KCNIP4: variants seen among roughly 807,000 people sequenced by gnomAD.
KCNIP4 encodes the protein potassium voltage-gated channel interacting protein 4.
KCNIP4 carries 12 observed loss-of-function variants against 34.0 expected under a neutral mutation model. That is an observed-to-expected ratio of 0.35 (90% CI 0.23 to 0.57). The LOEUF (loss-of-function observed/expected upper bound fraction) is 0.57. KCNIP4 is among the 20% of genes least tolerant of loss of function. The pLI, the probability that KCNIP4 is intolerant of heterozygous loss-of-function variation, is 0.83. For synonymous variants in KCNIP4, 124 were observed against 102.2 expected, an observed-to-expected ratio of 1.21 and a Z score of -1.29; for missense variants, 238 against 311.7, an observed-to-expected ratio of 0.76 and a Z score of 1.78.
intron 1 of KCNIP4, among the ~76,000 whole-genome samples, chr4:21,491,363 T>A (rs1732381641): frequency 6.6e-6 from 1 of 151,960 alleles, no homozygotes. Context: ...GAGAACTGGG[T>A]CTCTGAAATG....
chr4:21,159,445 G>C (rs1456220276), intron 1 of KCNIP4, among the ~76,000 whole-genome samples: 1 of 19,850 alleles, frequency 5.0e-5, no homozygotes, highest in Non-Finnish European at 1.0e-4. Flanking sequence ...AGCTCCCAGC[G>C]TGAGCGACGC....
intron 1 of KCNIP4, among the ~76,000 whole-genome samples, chr4:21,179,138 C>A (rs1348626366): frequency 6.6e-6 from 1 of 152,164 alleles, no homozygotes; most frequent in Non-Finnish European, 1.5e-5. Flanking sequence ...TTTCTATTAT[C>A]TTTCCTTCTC....
intron 1 of KCNIP4, chr4:21,464,715 G>C (rs1347128244): frequency 6.6e-6 from 1 of 151,972 alleles, no homozygotes; most frequent in African/African-American, 2.4e-5. Flanking sequence ...GGTGTATACT[G>C]TTGTTCAAAG....
chr4:20,853,605 C>CCAAAAGCAAAAG (rs143110247), intron 2 of KCNIP4, among the ~76,000 whole-genome samples: 4 of 151,118 alleles, frequency 2.6e-5, no homozygotes, highest in Admixed American at 1.3e-4. Flanking sequence ...GACCAAGAAC[C>CCAAAAGCAAAAG]CAAAAGCAAA....
At chr4:20,959,405 G>A (rs1249842084) in intron 1 of KCNIP4, among the ~76,000 whole-genome samples, 3 of 152,200 alleles carry the variant, frequency 2.0e-5, no homozygotes, top group Admixed American at 2.0e-4. Context: ...TTGTACACAA[G>A]TTTAAGGCTT....
At chr4:21,058,834 T>C (rs1577613604) in intron 1 of KCNIP4, among the ~76,000 whole-genome samples, 1 of 152,080 alleles carries the variant, frequency 6.6e-6, no homozygotes, top group African/African-American at 2.4e-5. Flanking sequence ...CTGACTGTGG[T>C]AGGAACCCCT....
chr4:20,902,585 T>A (rs532410160), intron 1 of KCNIP4, among the ~76,000 whole-genome samples: 114 of 152,242 alleles, frequency 7.5e-4, no homozygotes, highest in African/African-American at 2.7e-3. Flanking sequence ...AATGGCATAA[T>A]CTTGGCTCAC....
intron 5 of KCNIP4, among the ~76,000 whole-genome samples, chr4:20,746,254 C>A (rs181445011): frequency 6.6e-6 from 1 of 152,216 alleles, no homozygotes; most frequent in African/African-American, 2.4e-5. Context: ...CCGTCATTCT[C>A]AGCAAACTAT....
intron 1 of KCNIP4, among the ~76,000 whole-genome samples, chr4:20,897,458 A>G (rs1478140937): frequency 4.0e-5 from 6 of 151,780 alleles, no homozygotes; most frequent in Admixed American, 1.3e-4. Context: ...TTCTCTTTCA[A>G]TTTTACCCCA....
chr4:21,435,592 G>A lies in KCNIP4; in HGVS notation c.61+512979C>T, dbSNP rs573897483. 1.2e-4 allele frequency among the ~76,000 whole-genome samples: 19 copies of A among 152,204 alleles called. No homozygotes were observed. In the East Asian group the frequency reaches 2.9e-3, roughly 23 times the overall value. On this transcript the variant is annotated intron_variant, in intron 1 of 8. Coordinates refer to ENST00000382152, the MANE Select transcript of KCNIP4 (RefSeq NM_025221.6). Reference sequence around the variant, plus strand: ...CTCTTATTTTTAATGGGCAGAACACGGATTCTTGGTGTCTGAATGAATAGA... The same window carrying A: ...CTCTTATTTTTAATGGGCAGAACACAGATTCTTGGTGTCTGAATGAATAGA...
rs373184019 is a variant in KCNIP4 at position 20,947,281 on chromosome 4, A to G, written c.62-64572T>C. On this transcript the variant is annotated intron_variant, in intron 1 of 8. Coordinates refer to ENST00000382152, the MANE Select transcript of KCNIP4 (RefSeq NM_025221.6). ...CCTCCCAGCTTCAAGTGATCCTCCCACCTCAGCCTTCTGAGTAGCTGGGAT... is the reference window on the plus strand; with the variant it reads ...CCTCCCAGCTTCAAGTGATCCTCCCGCCTCAGCCTTCTGAGTAGCTGGGAT... Among the ~76,000 whole-genome samples, 32 of 152,158 alleles carry G rather than the reference A, an allele frequency of 2.1e-4. No individual in the cohort carries two copies. The South Asian group carries it at 4.4e-3, about 21-fold the overall frequency.
intron 1 of KCNIP4, among the ~76,000 whole-genome samples, chr4:21,256,296 TGAAGA>T (rs1256892881): frequency 2.6e-5 from 4 of 151,006 alleles, no homozygotes; most frequent in South Asian, 4.2e-4. Flanking sequence ...TTCTGAACAG[TGAAGA>T]GAAAAGTGGC....
At chr4:21,144,453 A>G (rs1752204754) in intron 1 of KCNIP4, among the ~76,000 whole-genome samples, 1 of 152,240 alleles carries the variant, frequency 6.6e-6, no homozygotes, top group Non-Finnish European at 1.5e-5. Flanking sequence ...TAAATATTGT[A>G]CATAAGCTCA....
At chr4:21,097,244 A>G (rs1747543063) in intron 1 of KCNIP4, among the ~76,000 whole-genome samples, 1 of 152,206 alleles carries the variant, frequency 6.6e-6, no homozygotes, top group South Asian at 2.1e-4. Context: ...ATAGCCATAC[A>G]ACAGAACATT....
intron 1 of KCNIP4, among the ~76,000 whole-genome samples, chr4:21,750,036 G>C (rs991613354): frequency 2.0e-4 from 30 of 152,060 alleles, no homozygotes; most frequent in African/African-American, 7.0e-4. Context: ...CCATTTGTAA[G>C]TTTTATATCA....
rs984273818 is a variant in KCNIP4 at position 21,448,710 on chromosome 4, G to T, written c.61+499861C>A. Among the ~76,000 whole-genome samples the T allele has an allele frequency of 2.0e-5, 3 of 152,192 alleles. No individual in the cohort carries two copies. In the East Asian group the frequency reaches 5.8e-4, roughly 29 times the overall value. Reference sequence around the variant, plus strand: ...TGGACAGAAGGCCAAGGGTATGGAGGGACATCCTTTTTACTTCTGCTCAAG... The same window carrying T: ...TGGACAGAAGGCCAAGGGTATGGAGTGACATCCTTTTTACTTCTGCTCAAG... On this transcript the variant is annotated intron_variant, in intron 1 of 8. Transcript: ENST00000382152.
chr4:21,519,761 ATG>A (rs1374861716), intron 1 of KCNIP4, among the ~76,000 whole-genome samples: 4 of 134,458 alleles, frequency 3.0e-5, no homozygotes, highest in Non-Finnish European at 4.6e-5. Flanking sequence ...GTGTGTATGT[ATG>A]TGTGTATACA....
At chr4:21,773,827 G>A (rs1387041114) in intron 1 of KCNIP4, among the ~76,000 whole-genome samples, 1 of 150,028 alleles carries the variant, frequency 6.7e-6, no homozygotes, top group East Asian at 2.0e-4. Context: ...TTTTGAGCCT[G>A]TGTGTTTCTG....
At chr4:21,871,913 TCCCCTGCTG>T (rs949992927) in intron 1 of KCNIP4, among the ~76,000 whole-genome samples, 1 of 151,756 alleles carries the variant, frequency 6.6e-6, no homozygotes, top group African/African-American at 2.4e-5. Flanking sequence ...CCAGTCTTTC[TCCCCTGCTG>T]CAAAACCACA....
Sources: gnomAD v4.1 joint callset for allele counts (sites outside exome capture counted in the v4.1 genomes callset) on GRCh38, gnomAD v4.1.1 for gene constraint, MANE v1.5 for transcripts, NCBI Gene and HGNC (gene_info 2026-07-23, HGNC 2026-07-21) for gene names.